The following CDYL2 variants were observed in gnomAD, a reference collection of about 807,000 sequenced individuals.
CDYL2 encodes chromodomain Y like 2, also known as chromodomain Y-like protein 2.
In CDYL2, 23 loss-of-function variants were observed where a neutral mutation model predicts 49.4. That is an observed-to-expected ratio of 0.47 (90% CI 0.34 to 0.66). CDYL2 has a LOEUF of 0.66. CDYL2 is among the 30% of genes least tolerant of loss of function. The probability of loss-of-function intolerance (pLI) is 0.01; values close to 1 mark genes in which losing one functional copy is unlikely to be tolerated. For missense variants in CDYL2, 678 were observed against 656.4 expected (o/e 1.03, Z -0.36); for synonymous variants, 360 against 268.8 (o/e 1.34, Z -3.32).
intron 2 of CDYL2, among the ~76,000 whole-genome samples, chr16:80,667,103 T>TG (rs1387571202): frequency 1.3e-5 from 2 of 152,120 alleles, no homozygotes; most frequent in African/African-American, 4.8e-5. Flanking sequence ...AAGGTTTCCA[T>TG]GGGGGAATTG....
chr16:80,723,637 C>A (rs1235908088), intron 1 of CDYL2, among the ~76,000 whole-genome samples: 1 of 152,208 alleles, frequency 6.6e-6, no homozygotes, highest in African/African-American at 2.4e-5. Flanking sequence ...AGCCTACAAG[C>A]TGCATCCAGC....
chr16:80,676,769 G>A (rs929385641), intron 2 of CDYL2, among the ~76,000 whole-genome samples: 8 of 152,100 alleles, frequency 5.3e-5, no homozygotes, highest in Admixed American at 3.3e-4. Context: ...TACTGACCTC[G>A]TCACAGGAGT....
At chr16:80,624,471 G>C (rs1353486503) in intron 3 of CDYL2, among the ~76,000 whole-genome samples, 1 of 152,096 alleles carries the variant, frequency 6.6e-6, no homozygotes, top group East Asian at 1.9e-4. Context: ...ATATCCCTGA[G>C]GTGTCTGATG....
chr16:80,604,142 G>C lies in CDYL2; in HGVS notation c.*246C>G, dbSNP rs1906222763. On this transcript the variant is annotated 3_prime_UTR_variant, in exon 7 of 7. Transcript: ENST00000570137. ...GCGGTGCTTGGCGGAGCCCTGGGAA[G>C]ATACAGCCTTGGACAGCTCTCTGGC... The C allele has an allele frequency of 5.5e-6, 3 of 540,890 alleles. No homozygotes were observed. The highest frequency in any genetic ancestry group is 9.9e-6 in the Non-Finnish European group (3 of 301,800). 33.5% of individuals were successfully genotyped at this position (540,890 alleles called of 1,614,324 possible).
At position 80,804,258 on chromosome 16, in the gene CDYL2, C is replaced by A; in HGVS notation, c.-85G>T. On this transcript the variant is annotated 5_prime_UTR_variant, in exon 1 of 7. Coordinates refer to ENST00000570137, the MANE Select transcript of CDYL2 (RefSeq NM_152342.4). ...GTGTGCGCGCGGGGTCCGGTGTGCG[C>A]GTGTGTGTGCGCGCGTGTGTGTGCG... is the stretch of plus-strand genomic sequence containing the variant. 2 of 1,210,848 alleles carry A rather than the reference C, an allele frequency of 1.7e-6. No homozygotes were observed. 75.0% of individuals were successfully genotyped at this position (1,210,848 alleles called of 1,614,324 possible).
chr16:80,699,267 C>G (rs1329517890), intron 1 of CDYL2, among the ~76,000 whole-genome samples: 1 of 152,118 alleles, frequency 6.6e-6, no homozygotes, highest in South Asian at 2.1e-4. Flanking sequence ...AAGTGTCCAT[C>G]AACAGATGAA....
At chr16:80,653,308 A>T (rs1396291353) in intron 2 of CDYL2, among the ~76,000 whole-genome samples, 2 of 152,158 alleles carry the variant, frequency 1.3e-5, no homozygotes. Context: ...TCTACTAAAA[A>T]CACAAAATTA....
chr16:80,744,509 T>C (rs1267644348), intron 1 of CDYL2, among the ~76,000 whole-genome samples: 1 of 152,140 alleles, frequency 6.6e-6, no homozygotes, highest in Non-Finnish European at 1.5e-5. Flanking sequence ...GAAATTAGCA[T>C]GTAGGAGCAC....
chr16:80,609,180 G>A (rs1453514128), intron 5 of CDYL2, among the ~76,000 whole-genome samples: 2 of 152,212 alleles, frequency 1.3e-5, no homozygotes, highest in African/African-American at 4.8e-5. Context: ...GAGCTATATA[G>A]ATAAAGTCCT....
intron 1 of CDYL2, among the ~76,000 whole-genome samples, chr16:80,696,048 T>C (rs1226684482): frequency 6.6e-6 from 1 of 152,226 alleles, no homozygotes; most frequent in African/African-American, 2.4e-5. Context: ...ATATCAATTA[T>C]CTTTTCTGAC....
chr16:80,799,320 A>C (rs977261171), intron 1 of CDYL2, among the ~76,000 whole-genome samples: 1 of 152,190 alleles, frequency 6.6e-6, no homozygotes, highest in Non-Finnish European at 1.5e-5. Context: ...ATTCTCAAGC[A>C]ACTCCTAGAG....
At chr16:80,691,579 A>G (rs1910416961) in intron 1 of CDYL2, among the ~76,000 whole-genome samples, 1 of 152,238 alleles carries the variant, frequency 6.6e-6, no homozygotes, top group Admixed American at 6.5e-5. Context: ...CTATGCCTAG[A>G]GAGACCTCAC....
chr16:80,685,163 G>C (rs573165719), intron 1 of CDYL2, 34 bp from the exon 2 acceptor site: 3 of 1,540,782 alleles, frequency 1.9e-6, no homozygotes, highest in Non-Finnish European at 2.7e-6. Context: ...AGAAAACAGA[G>C]AGAGAGGGAG....
intron 1 of CDYL2, among the ~76,000 whole-genome samples, chr16:80,790,127 A>C (rs1907562566): frequency 6.6e-6 from 1 of 152,256 alleles, no homozygotes; most frequent in South Asian, 2.1e-4. Context: ...AAAAATAAGA[A>C]GTATCATTTC....
intron 1 of CDYL2, among the ~76,000 whole-genome samples, chr16:80,742,979 T>C (rs28478083): frequency 0.5 from 69,745 of 139,690 alleles, 17,570 homozygotes; most frequent in South Asian, 0.64. Flanking sequence ...GATGAATCGA[T>C]AGGTGAGTAC....
chr16:80,771,541 C>A (rs985231943), intron 1 of CDYL2, among the ~76,000 whole-genome samples: 10 of 151,980 alleles, frequency 6.6e-5, no homozygotes, highest in African/African-American at 2.2e-4. Context: ...CCGTATCTAC[C>A]AAAAAATACA....
At chr16:80,721,298 T>G (rs1175090678) in intron 1 of CDYL2, among the ~76,000 whole-genome samples, 1 of 152,210 alleles carries the variant, frequency 6.6e-6, no homozygotes. Context: ...TCATTCCCAT[T>G]TGATACCTAA....
chr16:80,664,955 A>G (rs1909199323), intron 2 of CDYL2, among the ~76,000 whole-genome samples: 2 of 152,096 alleles, frequency 1.3e-5, no homozygotes, highest in South Asian at 2.1e-4. Flanking sequence ...GAGATTGTCA[A>G]TGTATTTGTC....
At chr16:80,688,489 A>G (rs7192323) in intron 1 of CDYL2, among the ~76,000 whole-genome samples, 2,898 of 152,344 alleles carry the variant, frequency 0.019, 30 homozygotes, top group African/African-American at 0.029. Context: ...ACTCCGATAC[A>G]TATGAACTTC....
Sources: gnomAD v4.1 joint callset for allele counts (sites outside exome capture counted in the v4.1 genomes callset) on GRCh38, gnomAD v4.1.1 for gene constraint, MANE v1.5 for transcripts, NCBI Gene and HGNC (gene_info 2026-07-23, HGNC 2026-07-21) for gene names.